The following MAGI1 variants were observed in gnomAD, a reference collection of about 807,000 sequenced individuals.
The protein encoded by MAGI1 is membrane associated guanylate kinase, WW and PDZ domain containing 1.
In MAGI1, 58 loss-of-function variants were observed where a neutral mutation model predicts 139.9. The observed-to-expected ratio is 0.41, with a 90% CI of 0.34 to 0.52. The LOEUF is 0.52. Ranked by LOEUF, MAGI1 falls within the 20% of genes least tolerant of loss-of-function variation. MAGI1 has a pLI of 0.12. For missense variants in MAGI1, 1,874 were observed against 1,901.6 expected, an observed-to-expected ratio of 0.99 and a Z score of 0.27; for synonymous variants, 812 against 737.9, an observed-to-expected ratio of 1.10 and a Z score of -1.63.
intron 1 of MAGI1, among the ~76,000 whole-genome samples, chr3:65,791,288 A>G (rs1257587871): frequency 1.3e-5 from 2 of 152,206 alleles, no homozygotes; most frequent in Non-Finnish European, 1.5e-5. Flanking sequence ...AGAGGGGCGC[A>G]TCAGACAATG....
intron 1 of MAGI1, among the ~76,000 whole-genome samples, chr3:65,694,420 T>C (rs1387971585): frequency 6.7e-6 from 1 of 149,182 alleles, no homozygotes. Context: ...CTTTGGAATA[T>C]GCCTGGCGGG....
intron 1 of MAGI1, among the ~76,000 whole-genome samples, chr3:66,037,032 T>C (rs752981836): frequency 1.3e-5 from 2 of 152,164 alleles, no homozygotes; most frequent in Non-Finnish European, 2.9e-5. Flanking sequence ...GCCCCTTCAG[T>C]GCGGTAGGGT....
intron 1 of MAGI1, among the ~76,000 whole-genome samples, chr3:65,852,663 C>A (rs1032232542): frequency 2.0e-5 from 3 of 151,922 alleles, no homozygotes; most frequent in African/African-American, 7.2e-5. Flanking sequence ...ACCACCACGC[C>A]TGGCTAATTT....
At chr3:65,445,336 C>T (rs1313594770) in intron 7 of MAGI1, among the ~76,000 whole-genome samples, 1 of 152,168 alleles carries the variant, frequency 6.6e-6, no homozygotes, top group Non-Finnish European at 1.5e-5. Context: ...GTTCCTGGCA[C>T]ATAGAAAGTG....
chr3:65,391,585 T>C (rs1157723879), intron 13 of MAGI1, among the ~76,000 whole-genome samples: 2 of 152,184 alleles, frequency 1.3e-5, no homozygotes, highest in Non-Finnish European at 2.9e-5. Context: ...TCATAACCCA[T>C]ACTGCTCTCT....
At chr3:65,602,247 T>C (rs570218943) in intron 2 of MAGI1, among the ~76,000 whole-genome samples, 2 of 152,208 alleles carry the variant, frequency 1.3e-5, no homozygotes, top group South Asian at 4.1e-4. Context: ...TAAAAACATA[T>C]ACATGAATGT....
intron 1 of MAGI1, among the ~76,000 whole-genome samples, chr3:65,813,332 C>G (rs1302827992): frequency 6.6e-6 from 1 of 152,008 alleles, no homozygotes; most frequent in African/African-American, 2.4e-5. Flanking sequence ...TCCAGGAAAT[C>G]CTACAGCATG....
At chr3:65,546,424 AC>A (rs1283869241) in intron 2 of MAGI1, among the ~76,000 whole-genome samples, 1 of 152,206 alleles carries the variant, frequency 6.6e-6, no homozygotes, top group Non-Finnish European at 1.5e-5. Context: ...TCTACTTTGC[AC>A]ATTCTTTTTT....
chr3:65,983,429 G>A (rs981650626), intron 1 of MAGI1, among the ~76,000 whole-genome samples: 6 of 152,134 alleles, frequency 3.9e-5, no homozygotes, highest in African/African-American at 1.2e-4. Context: ...AACCACTGGT[G>A]AGCATTTCAA....
At chr3:65,774,784 T>C (rs2038235088) in intron 1 of MAGI1, among the ~76,000 whole-genome samples, 1 of 152,204 alleles carries the variant, frequency 6.6e-6, no homozygotes, top group Admixed American at 6.5e-5. Context: ...CAACTAGTAC[T>C]GGGCCTATGT....
intron 1 of MAGI1, among the ~76,000 whole-genome samples, chr3:65,893,209 C>G (rs888615626): frequency 6.6e-6 from 1 of 152,052 alleles, no homozygotes; most frequent in Non-Finnish European, 1.5e-5. Context: ...CTGATGTCCT[C>G]TAATTGGAGT....
At chr3:65,519,160 G>C (rs577258309) in intron 2 of MAGI1, among the ~76,000 whole-genome samples, 15 of 152,110 alleles carry the variant, frequency 9.9e-5, no homozygotes, top group African/African-American at 3.6e-4. Context: ...ATTAGGTTAG[G>C]GCAAACATAA....
intron 1 of MAGI1, among the ~76,000 whole-genome samples, chr3:65,903,993 G>A (rs1295310258): frequency 6.6e-6 from 1 of 151,276 alleles, no homozygotes; most frequent in Non-Finnish European, 1.5e-5. Context: ...GGGTGACAGA[G>A]CAAGACTCTT....
intron 1 of MAGI1, among the ~76,000 whole-genome samples, chr3:66,006,806 G>GTTTTC (rs750683984): frequency 5.2e-5 from 1 of 19,258 alleles, no homozygotes; most frequent in Non-Finnish European, 1.1e-4. Context: ...GAAGAACATG[G>GTTTTC]TTTTGTTTTG....
intron 2 of MAGI1, among the ~76,000 whole-genome samples, chr3:65,588,815 G>A (rs769722631): frequency 2.0e-5 from 3 of 152,170 alleles, no homozygotes; most frequent in Non-Finnish European, 4.4e-5. Flanking sequence ...TTTATTGAAC[G>A]AATGATGAAT....
chr3:65,765,216 C>T (rs1035642722), intron 1 of MAGI1, among the ~76,000 whole-genome samples: 1 of 152,142 alleles, frequency 6.6e-6, no homozygotes, highest in Non-Finnish European at 1.5e-5. Context: ...AGAATAAAAA[C>T]ATTTGGCAAA....
intron 1 of MAGI1, among the ~76,000 whole-genome samples, chr3:66,011,763 A>T (rs2067331495): frequency 6.6e-6 from 1 of 151,438 alleles, no homozygotes; most frequent in East Asian, 1.9e-4. Flanking sequence ...TTCCAAAAGC[A>T]TTCCCTAACC....
chr3:65,739,793 G>T (rs1202089736), intron 1 of MAGI1, among the ~76,000 whole-genome samples: 1 of 152,140 alleles, frequency 6.6e-6, no homozygotes, highest in African/African-American at 2.4e-5. Flanking sequence ...TCTTATATGG[G>T]TATAGTTTGT....
intron 1 of MAGI1, among the ~76,000 whole-genome samples, chr3:65,845,172 A>C (rs1282619409): frequency 6.6e-6 from 1 of 151,710 alleles, no homozygotes; most frequent in East Asian, 1.9e-4. Flanking sequence ...AATCACTTGA[A>C]CCCAGGAGGC....
Sources: allele counts gnomAD v4.1 joint callset (sites outside exome capture counted in the v4.1 genomes callset), GRCh38; gene constraint gnomAD v4.1.1; transcripts MANE v1.5; gene names NCBI Gene and HGNC (gene_info 2026-07-23, HGNC 2026-07-21).